STK33: variants seen among roughly 807,000 people sequenced by gnomAD.
STK33 encodes the protein serine/threonine kinase 33.
Under a neutral mutation model 58.0 loss-of-function variants are expected in STK33, and 52 were observed. The ratio of observed to expected loss-of-function variants is 0.90; its 90% CI spans 0.72 to 1.13. STK33 has a LOEUF of 1.13. Among genes scored for constraint, STK33 ranks in the 50% most tolerant of loss-of-function variants. STK33 has a pLI of 0.00. For synonymous variants in STK33, 215 were observed against 200.1 expected (o/e 1.07, Z -0.63); for missense variants, 630 against 604.2 (o/e 1.04, Z -0.45).
At chr11:8,394,480 T>C (rs959401517) in intron 15 of STK33, among the ~76,000 whole-genome samples, 1 of 152,198 alleles carries the variant, frequency 6.6e-6, no homozygotes, top group African/African-American at 2.4e-5. Context: ...TAATATTCTA[T>C]CGAGCAGGAA....
At chr11:8,591,893 G>A (rs900491408) in intron 1 of STK33, among the ~76,000 whole-genome samples, 1 of 151,776 alleles carries the variant, frequency 6.6e-6, no homozygotes, top group Non-Finnish European at 1.5e-5. Context: ...GCTAAATGAC[G>A]AGTTAATGGG....
chr11:8,535,331 T>C (rs1487144539), intron 1 of STK33, among the ~76,000 whole-genome samples: 2 of 152,036 alleles, frequency 1.3e-5, no homozygotes, highest in Non-Finnish European at 2.9e-5. Context: ...CCTCTCCCCA[T>C]ACTATTCATT....
At chr11:8,558,005 C>T (rs1271367911) in intron 1 of STK33, among the ~76,000 whole-genome samples, 1 of 152,108 alleles carries the variant, frequency 6.6e-6, no homozygotes, top group Admixed American at 6.6e-5. Flanking sequence ...TGCAGCCCTT[C>T]ACAAAAATTT....
rs2137290103 is a variant in STK33 at position 8,461,852 on chromosome 11, T to C, written c.511A>G (p.Lys171Glu). The change falls in exon 8 of 16, where the codon AAA becomes GAA. Residue 171 changes from lysine (K) to glutamate (E), a missense_variant. Lys to Glu is a moderately conservative substitution (Grantham distance 56). Transcript: ENST00000687296. The stretch of plus-strand genomic sequence containing the variant: ...TCCAGATGTATGATGTGTTCATGTT[T>C]TACACTTTTCAGAATGTTCACCTCT... ...EREVNILKSV[K>E]HEHIIHLEQV... The C allele has an allele frequency of 1.2e-6, 2 of 1,603,530 alleles. No homozygotes were observed. The highest frequency in any genetic ancestry group is 1.1e-5 in the South Asian group (1 of 89,276).
At chr11:8,405,626 G>A (rs962558703) in intron 15 of STK33, among the ~76,000 whole-genome samples, 12 of 152,040 alleles carry the variant, frequency 7.9e-5, no homozygotes, top group African/African-American at 2.9e-4. Flanking sequence ...AAGAATCTTT[G>A]ACTATCTGCT....
At chr11:8,337,638 C>CTGGG in the STK33 span, among the ~76,000 whole-genome samples, 18 of 4,858 alleles carry the variant, frequency 3.7e-3, no homozygotes, top group Admixed American at 9.1e-3. Context: ...TTGACGACGG[C>CTGGG]GGGGGGCGGG....
Position 8,474,754 on chromosome 11 carries a change from G to A in STK33, c.152C>T (p.Ala51Val), listed in dbSNP as rs148873011. 3.1e-4 allele frequency: 505 copies of A among 1,612,642 alleles called. No homozygotes were observed. The Middle Eastern group carries it at 4.3e-3, about 14-fold the overall frequency. Residue 51 changes from alanine to valine, a missense_variant, in exon 5 of 16, where the codon GCA (alanine) becomes GTA (valine). Physicochemically the swap from Ala to Val is moderately conservative, Grantham distance 64. Coordinates refer to ENST00000687296, the MANE Select transcript of STK33 (RefSeq NM_001352389.2). ...EMSQTSSIGS[A>V]ESLISLERKK... ...TCTCTCCAGTGAAATTAAAGATTCT[G>A]CACTACCAATGCTTGATGTCTGTGA...
chr11:8,349,866 T>C, the STK33 span, among the ~76,000 whole-genome samples: 1 of 152,216 alleles, frequency 6.6e-6, no homozygotes, highest in Non-Finnish European at 1.5e-5. Flanking sequence ...CACCCACTCC[T>C]TATAGATTTC....
chr11:8,457,384 G>C lies in STK33; in HGVS notation c.654C>G (p.Ile218Met). The C allele has an allele frequency of 1.2e-6, 2 of 1,606,298 alleles. No homozygotes were observed. The highest frequency in any genetic ancestry group is 1.7e-6 in the Non-Finnish European group (2 of 1,174,602). ...CTATAGCTGATGCGAGACTTTGAAT[G>C]ATCCACCTTGTCTCATTCTCTGAGA... ...GHFSENETRW[I>M]IQSLASAIAY... The change falls in exon 9 of 16, where the codon ATC (isoleucine) becomes ATG (methionine). Residue 218 changes from isoleucine (I) to methionine (M), a missense_variant. Ile to Met is a conservative substitution (Grantham distance 10). Transcript: ENST00000687296.
At position 8,520,135 on chromosome 11, in the gene STK33, C is replaced by T. The variant is rs533960874; in HGVS notation, c.-465-39521G>A. On this transcript the variant is annotated intron_variant, in intron 1 of 15. Transcript: ENST00000687296. ...ACGAATCCAGCAGCACATCAAAAAG[C>T]TTATCCACCATGATCAAGTCAGCTT... Among the ~76,000 whole-genome samples the T allele has an allele frequency of 5.3e-5, 8 of 152,270 alleles. No individual in the cohort carries two copies. The South Asian group carries it at 1.2e-3, about 24-fold the overall frequency.
the STK33 span, among the ~76,000 whole-genome samples, chr11:8,382,539 C>T: frequency 6.6e-6 from 1 of 152,202 alleles, no homozygotes. Context: ...GGGCTCAGAG[C>T]CATTCCATTT....
chr11:8,411,974 T>C (rs1590846548), intron 15 of STK33, among the ~76,000 whole-genome samples: 1 of 151,284 alleles, frequency 6.6e-6, no homozygotes, highest in African/African-American at 2.4e-5. Context: ...GCTGGAGGAG[T>C]GGGAGGGGAA....
At chr11:8,562,855 T>G (rs1312605749) in intron 1 of STK33, among the ~76,000 whole-genome samples, 1 of 152,160 alleles carries the variant, frequency 6.6e-6, no homozygotes, top group African/African-American at 2.4e-5. Context: ...AAGACAGAAA[T>G]AGTTCCTACC....
intron 1 of STK33, among the ~76,000 whole-genome samples, chr11:8,491,520 T>G (rs1055937529): frequency 1.3e-5 from 2 of 152,292 alleles, no homozygotes; most frequent in Non-Finnish European, 2.9e-5. Flanking sequence ...AAAACACTCT[T>G]CAGGATATTA....
chr11:8,372,410 G>A, the STK33 span, among the ~76,000 whole-genome samples: 1 of 152,162 alleles, frequency 6.6e-6, no homozygotes, highest in African/African-American at 2.4e-5. Context: ...GGTGGGAGAG[G>A]GGGTAGGGAA....
In STK33 at chr11:8,482,198, G is replaced by A. The variant is rs528869424; in HGVS notation, c.-465-1584C>T. Among the ~76,000 whole-genome samples the A allele has an allele frequency of 1.7e-4, 26 of 152,282 alleles. No individual in the cohort carries two copies. The South Asian group carries it at 5.2e-3, about 30-fold the overall frequency. ...GAACAAAAGCATTTAGAATGTCACAGCTGAGGAATAAATGTGCCATGGCTG... is the reference window on the plus strand; with the variant it reads ...GAACAAAAGCATTTAGAATGTCACAACTGAGGAATAAATGTGCCATGGCTG... On this transcript the variant is annotated intron_variant, in intron 1 of 15. Coordinates refer to ENST00000687296, the MANE Select transcript of STK33 (RefSeq NM_001352389.2).
intron 1 of STK33, among the ~76,000 whole-genome samples, chr11:8,583,394 T>C (rs1192295913): frequency 6.6e-6 from 1 of 152,126 alleles, no homozygotes; most frequent in Non-Finnish European, 1.5e-5. Context: ...ATTGATAACA[T>C]TACTCATGAG....
chr11:8,357,992 CAG>C, the STK33 span, among the ~76,000 whole-genome samples: 2 of 152,218 alleles, frequency 1.3e-5, no homozygotes, highest in South Asian at 2.1e-4. Context: ...CCTGTATGGC[CAG>C]AGTCTCTCTG....
In STK33 at chr11:8,428,223, C is replaced by T. The variant is rs576073038; in HGVS notation, c.1146+7271G>A. Among the ~76,000 whole-genome samples the T allele has an allele frequency of 3.5e-4, 53 of 152,344 alleles. No homozygotes were observed. The South Asian group carries it at 7.7e-3, about 22-fold the overall frequency. ...AATGCCTACAACGAGTTAATTCCCACACATTTTCCTTGGCTTCTCATTCAG... is the reference window on the plus strand; with the variant it reads ...AATGCCTACAACGAGTTAATTCCCATACATTTTCCTTGGCTTCTCATTCAG... On this transcript the variant is annotated intron_variant, in intron 14 of 15. Coordinates refer to ENST00000687296, the MANE Select transcript of STK33 (RefSeq NM_001352389.2).
Sources: gnomAD v4.1 joint callset for allele counts (sites outside exome capture counted in the v4.1 genomes callset) on GRCh38, gnomAD v4.1.1 for gene constraint, MANE v1.5 for transcripts, NCBI Gene and HGNC (gene_info 2026-07-23, HGNC 2026-07-21) for gene names.